Variants in DCC observed in about 807,000 individuals in gnomAD.
DCC encodes netrin receptor DCC.
In DCC, 58 loss-of-function variants were observed where a neutral mutation model predicts 172.5. The ratio of observed to expected loss-of-function variants is 0.34; its 90% CI spans 0.27 to 0.42. DCC has a LOEUF of 0.42. Among genes scored for constraint, DCC ranks in the 10% least tolerant of loss-of-function variants. The probability of loss-of-function intolerance (pLI) is 1.00; values close to 1 mark genes in which losing one functional copy is unlikely to be tolerated. For synonymous variants in DCC, 709 were observed against 644.5 expected (o/e 1.10, Z -1.52); for missense variants, 1,740 against 1,791.0 (o/e 0.97, Z 0.51).
intron 2 of DCC, among the ~76,000 whole-genome samples, chr18:52,871,864 C>CATT (rs1160242946): frequency 2.0e-5 from 3 of 152,152 alleles, no homozygotes; most frequent in African/African-American, 7.2e-5. Context: ...TCTTTTCTCT[C>CATT]ATTAATCAAG....
intron 5 of DCC, among the ~76,000 whole-genome samples, chr18:53,056,231 A>G (rs1277003110): frequency 1.3e-5 from 2 of 152,136 alleles, no homozygotes; most frequent in Non-Finnish European, 1.5e-5. Flanking sequence ...ACAAAGCGGC[A>G]GGAGACAGGA....
At chr18:53,023,304 T>G (rs1259095431) in intron 5 of DCC, among the ~76,000 whole-genome samples, 1 of 150,136 alleles carries the variant, frequency 6.7e-6, no homozygotes, top group Admixed American at 6.7e-5. Flanking sequence ...AAAGAAATGT[T>G]TTCTTATAAG....
At chr18:53,139,135 C>G (rs1008898621) in intron 7 of DCC, among the ~76,000 whole-genome samples, 4 of 152,136 alleles carry the variant, frequency 2.6e-5, no homozygotes, top group African/African-American at 9.7e-5. Context: ...TGTACAATTA[C>G]AGTTACACAG....
intron 2 of DCC, among the ~76,000 whole-genome samples, chr18:52,901,465 C>T (rs2039808046): frequency 1.3e-5 from 2 of 151,538 alleles, no homozygotes; most frequent in African/African-American, 2.4e-5. Flanking sequence ...ATAAAAATAA[C>T]AATCATACTA....
intron 1 of DCC, among the ~76,000 whole-genome samples, chr18:52,421,111 A>G (rs921608822): frequency 3.9e-5 from 6 of 152,192 alleles, no homozygotes; most frequent in South Asian, 2.1e-4. Flanking sequence ...AGGGGGAAAC[A>G]TAGAAAAGTT....
At chr18:53,098,285 C>T (rs1460684748) in intron 7 of DCC, among the ~76,000 whole-genome samples, 3 of 151,978 alleles carry the variant, frequency 2.0e-5, no homozygotes, top group Admixed American at 6.6e-5. Context: ...AGAAAGAATT[C>T]TTATGTTCTC....
chr18:53,197,492 C>T (rs1328491173), intron 9 of DCC, among the ~76,000 whole-genome samples: 2 of 140,292 alleles, frequency 1.4e-5, no homozygotes, highest in Non-Finnish European at 3.0e-5. Context: ...CATTGTACTA[C>T]ACAGTCATTT....
intron 21 of DCC, among the ~76,000 whole-genome samples, chr18:53,421,112 A>C (rs1418696218): frequency 6.6e-6 from 1 of 152,180 alleles, no homozygotes; most frequent in South Asian, 2.1e-4. Context: ...CTGAAACATG[A>C]CTGCTTCTTA....
At chr18:52,467,047 A>ATT (rs1324704369) in intron 1 of DCC, among the ~76,000 whole-genome samples, 44 of 137,518 alleles carry the variant, frequency 3.2e-4, no homozygotes, top group Non-Finnish European at 5.3e-4. Flanking sequence ...GTTTTTTTAA[A>ATT]AAAAAAATAT....
chr18:52,385,721 A>G (rs997847835), intron 1 of DCC, among the ~76,000 whole-genome samples: 2 of 152,096 alleles, frequency 1.3e-5, no homozygotes, highest in African/African-American at 2.4e-5. Context: ...AGTCGAATCT[A>G]AAGTTTAACC....
intron 5 of DCC, among the ~76,000 whole-genome samples, chr18:53,007,143 A>T (rs920819992): frequency 1.3e-5 from 2 of 152,238 alleles, no homozygotes; most frequent in African/African-American, 4.8e-5. Flanking sequence ...TACATAGAAC[A>T]AAATTATTTG....
chr18:53,478,096 T>G (rs1329633886), intron 25 of DCC, among the ~76,000 whole-genome samples: 1 of 152,066 alleles, frequency 6.6e-6, no homozygotes, highest in Non-Finnish European at 1.5e-5. Flanking sequence ...CCAGTGAGGG[T>G]GAAGGATACA....
chr18:53,131,296 T>C (rs555994269), intron 7 of DCC, among the ~76,000 whole-genome samples: 1 of 152,246 alleles, frequency 6.6e-6, no homozygotes, highest in East Asian at 1.9e-4. Context: ...AACCCATAAT[T>C]ATAGAATTTA....
chr18:52,399,250 G>A (rs1322611876), intron 1 of DCC, among the ~76,000 whole-genome samples: 1 of 151,826 alleles, frequency 6.6e-6, no homozygotes, highest in Non-Finnish European at 1.5e-5. Context: ...AAAAAGTTGA[G>A]TATCAGGGAC....
intron 9 of DCC, among the ~76,000 whole-genome samples, chr18:53,182,314 A>G (rs551999365): frequency 5.9e-5 from 9 of 152,304 alleles, no homozygotes; most frequent in African/African-American, 2.2e-4. Flanking sequence ...TAGTAACAGC[A>G]TTGTTCTATT....
intron 1 of DCC, among the ~76,000 whole-genome samples, chr18:52,594,525 C>A (rs2033868036): frequency 6.6e-6 from 1 of 152,100 alleles, no homozygotes; most frequent in Non-Finnish European, 1.5e-5. Context: ...TTCATCTTAC[C>A]TTGACTTGAT....
chr18:53,414,956 T>C (rs1910217810), intron 20 of DCC, among the ~76,000 whole-genome samples: 1 of 152,218 alleles, frequency 6.6e-6, no homozygotes. Context: ...ATGAAAGAAA[T>C]TGTAATTGAT....
At chr18:52,393,402 C>T (rs1986102991) in intron 1 of DCC, among the ~76,000 whole-genome samples, 1 of 152,004 alleles carries the variant, frequency 6.6e-6, no homozygotes, top group Admixed American at 6.6e-5. Flanking sequence ...CCAATGGGAG[C>T]TTGTAAAAAT....
intron 7 of DCC, among the ~76,000 whole-genome samples, chr18:53,100,035 C>T (rs571164635): frequency 1.4e-4 from 21 of 150,740 alleles, no homozygotes; most frequent in African/African-American, 5.1e-4. Flanking sequence ...CAACCTCCAC[C>T]TCCCAGGTTC....
Sources: gnomAD v4.1 joint callset for allele counts (sites outside exome capture counted in the v4.1 genomes callset) on GRCh38, gnomAD v4.1.1 for gene constraint, MANE v1.5 for transcripts, NCBI Gene and HGNC (gene_info 2026-07-23, HGNC 2026-07-21) for gene names.